Variants in CCDC171 observed in about 807,000 individuals in gnomAD.
CCDC171 encodes coiled-coil domain-containing protein 171.
Under a neutral mutation model 168.2 loss-of-function variants are expected in CCDC171, and 177 were observed. The ratio of observed to expected loss-of-function variants is 1.05; its 90% CI spans 0.93 to 1.19. The LOEUF is 1.19. Among genes scored for constraint, CCDC171 ranks in the 50% most tolerant of loss-of-function variants. The pLI, the probability that CCDC171 is intolerant of heterozygous loss-of-function variation, is 0.00. For synonymous variants in CCDC171, 687 were observed against 540.8 expected (o/e 1.27, Z -3.75); for missense variants, 1,991 against 1,539.0 (o/e 1.29, Z -4.91).
chr9:16,086,206 A>G, the CCDC171 span, among the ~76,000 whole-genome samples: 3 of 151,960 alleles, frequency 2.0e-5, no homozygotes, highest in African/African-American at 7.3e-5. Flanking sequence ...CCAGGAATTT[A>G]TCCATTTCGT....
intron 24 of CCDC171, among the ~76,000 whole-genome samples, chr9:15,901,043 A>G (rs993006534): frequency 2.0e-5 from 3 of 152,190 alleles, no homozygotes; most frequent in South Asian, 2.1e-4. Flanking sequence ...TTAATAACTT[A>G]TATATGTGTT....
intron 24 of CCDC171, among the ~76,000 whole-genome samples, chr9:15,890,559 C>G (rs1820080893): frequency 6.7e-6 from 1 of 149,768 alleles, no homozygotes; most frequent in Admixed American, 6.7e-5. Context: ...TACTGAAACT[C>G]TGTGATACTG....
chr9:15,651,910 T>G (rs2047556026), intron 7 of CCDC171, among the ~76,000 whole-genome samples: 1 of 152,136 alleles, frequency 6.6e-6, no homozygotes, highest in Admixed American at 6.6e-5. Context: ...GTCATGAAGA[T>G]TTTTGGATTT....
At chr9:16,103,834 G>A in the CCDC171 span, among the ~76,000 whole-genome samples, 32 of 152,172 alleles carry the variant, frequency 2.1e-4, no homozygotes, top group Non-Finnish European at 3.5e-4. Context: ...CATGGACTCC[G>A]GGGGGGCTGG....
chr9:16,012,529 A>G (rs563582171), intron 3 of CCDC171, among the ~76,000 whole-genome samples: 4 of 145,396 alleles, frequency 2.8e-5, no homozygotes, highest in African/African-American at 1.0e-4. Flanking sequence ...TTTAATCTCC[A>G]TATTTTCTAT....
At chr9:15,996,113 A>C (rs1361050705) in intron 3 of CCDC171, among the ~76,000 whole-genome samples, 2 of 152,232 alleles carry the variant, frequency 1.3e-5, no homozygotes, top group Non-Finnish European at 2.9e-5. Flanking sequence ...GCTATAGGTA[A>C]ACATAAATGA....
At chr9:15,863,643 A>C (rs1390070460) in intron 23 of CCDC171, among the ~76,000 whole-genome samples, 1 of 151,972 alleles carries the variant, frequency 6.6e-6, no homozygotes, top group Admixed American at 6.6e-5. Flanking sequence ...AGTTCCTTGT[A>C]CATGGTTTTC....
intron 6 of CCDC171, among the ~76,000 whole-genome samples, chr9:15,602,938 G>A (rs894646498): frequency 2.6e-5 from 4 of 151,914 alleles, no homozygotes; most frequent in African/African-American, 7.3e-5. Flanking sequence ...GATTACAGGC[G>A]TGAGCCATCT....
chr9:15,814,572 G>A (rs1164779515), intron 21 of CCDC171, among the ~76,000 whole-genome samples: 1 of 151,940 alleles, frequency 6.6e-6, no homozygotes, highest in Non-Finnish European at 1.5e-5. Flanking sequence ...AATCATTTGG[G>A]ATTGAAATAC....
At chr9:15,958,749 A>G (rs1396911154) in intron 25 of CCDC171, among the ~76,000 whole-genome samples, 1 of 151,970 alleles carries the variant, frequency 6.6e-6, no homozygotes, top group East Asian at 1.9e-4. Flanking sequence ...AGTACAGGAG[A>G]GCAAAGCTGT....
chr9:15,675,612 T>C (rs562448801), intron 9 of CCDC171, among the ~76,000 whole-genome samples: 1 of 152,196 alleles, frequency 6.6e-6, no homozygotes, highest in Non-Finnish European at 1.5e-5. Flanking sequence ...AAAAGGATTT[T>C]ATTTCTCCTT....
At chr9:15,699,947 G>A (rs1251987948) in intron 11 of CCDC171, among the ~76,000 whole-genome samples, 4 of 152,356 alleles carry the variant, frequency 2.6e-5, no homozygotes, top group Admixed American at 6.5e-5. Context: ...GATTCTCCAC[G>A]TCCCCACCAG....
chr9:15,654,459 A>C (rs1265845321), intron 7 of CCDC171, among the ~76,000 whole-genome samples: 1 of 152,218 alleles, frequency 6.6e-6, no homozygotes, highest in African/African-American at 2.4e-5. Context: ...TATGATAGTC[A>C]TTATGGGAAT....
At chr9:16,051,720 C>T (rs2133071871) in intron 1 of CCDC171, among the ~76,000 whole-genome samples, 1 of 152,344 alleles carries the variant, frequency 6.6e-6, no homozygotes, top group South Asian at 2.1e-4. Flanking sequence ...TCCTCATCAT[C>T]TCAGGATGCA....
chr9:15,843,169 C>G (rs946193660), intron 21 of CCDC171, among the ~76,000 whole-genome samples: 1 of 151,782 alleles, frequency 6.6e-6, no homozygotes, highest in Non-Finnish European at 1.5e-5. Context: ...TGAAGGTAAG[C>G]AATGACATCA....
At chr9:15,583,040 A>G (rs2041256527) in intron 4 of CCDC171, among the ~76,000 whole-genome samples, 1 of 152,312 alleles carries the variant, frequency 6.6e-6, no homozygotes, top group African/African-American at 2.4e-5. Flanking sequence ...ACACATGCAC[A>G]CGCAGGTTTA....
chr9:15,818,512 A>G lies in CCDC171; in HGVS notation c.3268-28190A>G, dbSNP rs202074585. ...AGAGAAGTCCTTAAAGGACCTGATG[A>G]AGCTGAAAACCACGGCACGAGAACT... On this transcript the variant is annotated intron_variant, in intron 21 of 25. Transcript: ENST00000380701. 1.7e-5 allele frequency among the ~76,000 whole-genome samples: 2 copies of G among 118,694 alleles called. 1 individual carries two copies. The highest frequency in any genetic ancestry group is 6.3e-5 in the African/African-American group (2 of 31,680). The allele number at this position is 118,694 out of a possible 152,430, so 77.9% of individuals were successfully genotyped here.
At position 15,902,277 on chromosome 9, in the gene CCDC171, T is replaced by TAC. The variant is rs1307525236; in HGVS notation, c.3601-17992_3601-17991insCA. Among the ~76,000 whole-genome samples the TAC allele has an allele frequency of 8.2e-4, 118 of 143,102 alleles. 1 individual carries two copies. Among genetic ancestry groups the TAC allele is most frequent in the African/African-American group, 2.4e-3 (92 of 37,930 alleles). The allele number at this position is 143,102 out of a possible 152,430, so 93.9% of individuals were successfully genotyped here. ...ATATATATATGTATATATATATATATATATACACACACACACACACATAAA... is the reference window on the plus strand; with the variant it reads ...ATATATATATGTATATATATATATATACATATACACACACACACACACATAAA... On this transcript the variant is annotated intron_variant, in intron 24 of 25. Transcript: ENST00000380701.
intron 24 of CCDC171, among the ~76,000 whole-genome samples, chr9:15,879,090 G>GC (rs766836917): frequency 2.2e-4 from 34 of 152,154 alleles, no homozygotes; most frequent in Non-Finnish European, 4.6e-4. Flanking sequence ...TATATAACAA[G>GC]CCTGCATATT....
Sources: gnomAD v4.1 joint callset for allele counts (sites outside exome capture counted in the v4.1 genomes callset) on GRCh38, gnomAD v4.1.1 for gene constraint, MANE v1.5 for transcripts, NCBI Gene and HGNC (gene_info 2026-07-23, HGNC 2026-07-21) for gene names.